MLXIP: variants seen among roughly 807,000 people sequenced by gnomAD.
MLXIP encodes MLX interacting protein.
MLXIP carries 30 observed loss-of-function variants against 87.2 expected under a neutral mutation model. That is an observed-to-expected ratio of 0.34 (90% CI 0.26 to 0.47). The LOEUF (loss-of-function observed/expected upper bound fraction) is 0.47, where lower values mean the gene tolerates loss of function less well. Among genes scored for constraint, MLXIP ranks in the 20% least tolerant of loss-of-function variants. The pLI is 1.00. For missense variants in MLXIP, 1,002 were observed against 1,240.1 expected (o/e 0.81, Z 2.88); for synonymous variants, 530 against 514.0 (o/e 1.03, Z -0.42).
chr12:122,143,597 G>A lies in MLXIP; in HGVS notation c.*1785G>A, dbSNP rs1289038624. ...GTAGGAATTCCACCAAGGCCAGAAGGGAAAAAGGAAGAACCCACCGTGTCT... is the reference window on the plus strand; with the variant it reads ...GTAGGAATTCCACCAAGGCCAGAAGAGAAAAAGGAAGAACCCACCGTGTCT... On this transcript the variant is annotated 3_prime_UTR_variant, in exon 17 of 17. Transcript: ENST00000319080. 1 of 152,290 alleles carries A rather than the reference G, an allele frequency of 6.6e-6. No homozygotes were observed. Among genetic ancestry groups the A allele is most frequent in the African/African-American group, 2.4e-5 (1 of 41,436 alleles). 9.4% of individuals were successfully genotyped at this position (152,290 alleles called of 1,614,324 possible). A position where few individuals can be genotyped will look rare whatever the true frequency, so the allele number is the denominator to read the frequency against.
At chr12:122,093,212 GGT>G (rs1248290982) in intron 1 of MLXIP, among the ~76,000 whole-genome samples, 1 of 148,986 alleles carries the variant, frequency 6.7e-6, no homozygotes, top group Non-Finnish European at 1.5e-5. Flanking sequence ...GGTGTGTGTT[GGT>G]GTGTGGTGTG....
intron 1 of MLXIP, among the ~76,000 whole-genome samples, chr12:122,113,054 G>A (rs1184498069): frequency 4.6e-5 from 7 of 152,166 alleles, no homozygotes; most frequent in Non-Finnish European, 8.8e-5. Flanking sequence ...CAGCACGTCT[G>A]TTAATATAAA....
intron 1 of MLXIP, among the ~76,000 whole-genome samples, chr12:122,093,231 G>A (rs1651953340): frequency 6.8e-6 from 1 of 148,142 alleles, no homozygotes; most frequent in Non-Finnish European, 1.5e-5. Context: ...TGTGTGTAGT[G>A]TATGGTATGT....
chr12:122,124,843 G>T (rs910344254), intron 1 of MLXIP, among the ~76,000 whole-genome samples: 2 of 151,844 alleles, frequency 1.3e-5, no homozygotes, highest in African/African-American at 4.8e-5. Context: ...CCAGCCTGAC[G>T]AACGTGGTAA....
intron 1 of MLXIP, among the ~76,000 whole-genome samples, chr12:122,104,148 A>G (rs928997269): frequency 6.6e-6 from 1 of 152,198 alleles, no homozygotes; most frequent in Admixed American, 6.5e-5. Context: ...AAAAACTTCA[A>G]TCAGCTCTAT....
At chr12:122,114,755 T>TG (rs1555230202) in intron 1 of MLXIP, among the ~76,000 whole-genome samples, 18 of 93,334 alleles carry the variant, frequency 1.9e-4, no homozygotes, top group Non-Finnish European at 3.5e-4. Flanking sequence ...TTTTTTTTTT[T>TG]GGTGGGGGGG....
intron 1 of MLXIP, among the ~76,000 whole-genome samples, chr12:122,088,155 C>G (rs901799564): frequency 6.6e-6 from 1 of 152,150 alleles, no homozygotes; most frequent in Non-Finnish European, 1.5e-5. Flanking sequence ...ACCCAGGTGC[C>G]CTAGGTTTCT....
intron 1 of MLXIP, among the ~76,000 whole-genome samples, chr12:122,099,080 T>G (rs1952397785): frequency 6.6e-6 from 1 of 152,084 alleles, no homozygotes; most frequent in Non-Finnish European, 1.5e-5. Context: ...CAAAAATTAT[T>G]TAAAAAATTA....
chr12:122,086,340 C>T (rs1050050928), intron 1 of MLXIP, among the ~76,000 whole-genome samples: 7 of 152,136 alleles, frequency 4.6e-5, no homozygotes, highest in African/African-American at 9.7e-5. Context: ...GAGCCCACCC[C>T]GGGCTTAAGA....
intron 1 of MLXIP, among the ~76,000 whole-genome samples, chr12:122,123,595 C>T (rs1441621032): frequency 2.0e-5 from 3 of 152,172 alleles, no homozygotes; most frequent in South Asian, 2.1e-4. Context: ...TGCGTCTTGC[C>T]GCTCCCCTCA....
At chr12:122,139,137 T>C (rs1953151241) in intron 15 of MLXIP, 199 bp downstream of exon 15, 1 of 355,212 alleles carries the variant, frequency 2.8e-6, no homozygotes, top group Admixed American at 6.5e-5. Flanking sequence ...CTGATGGGGC[T>C]TCAGGGTGCT....
intron 1 of MLXIP, among the ~76,000 whole-genome samples, chr12:122,088,503 C>T (rs947249841): frequency 2.0e-5 from 3 of 152,036 alleles, no homozygotes; most frequent in African/African-American, 4.8e-5. Flanking sequence ...CTTTAAGTCT[C>T]GGAAGTAAGC....
chr12:122,119,852 CAG>C (rs1378540249), intron 1 of MLXIP, among the ~76,000 whole-genome samples: 8 of 152,290 alleles, frequency 5.3e-5, no homozygotes, highest in African/African-American at 1.9e-4. Context: ...TTGTGGGTCA[CAG>C]GGATGTGCAG....
chr12:122,118,259 A>G (rs1212788846), intron 1 of MLXIP, among the ~76,000 whole-genome samples: 4 of 122,802 alleles, frequency 3.3e-5, no homozygotes, highest in Non-Finnish European at 7.2e-5. Flanking sequence ...TTTAGGATTT[A>G]TAGATTGTTT....
rs1312076878 is a variant in MLXIP, at chr12:122,133,425, C to T, written c.1170C>T (p.Ser390=). 3.7e-6 allele frequency: 6 copies of T among 1,612,554 alleles called. No individual in the cohort carries two copies. The highest frequency in any genetic ancestry group is 5.1e-6 in the Non-Finnish European group (6 of 1,179,058). ...TCATCGCGCCCCCTACCGCCCCATC[C>T]CTGGCTCACATGGATGAGCAGGGCT... is the stretch of plus-strand genomic sequence containing the variant. ...DSLIAPPTAP[S]LAHMDEQGCE... The change falls in exon 9 of 17, where the codon TCC becomes TCT. Residue 390 remains serine (S), a synonymous_variant. Coordinates refer to ENST00000319080, the MANE Select transcript of MLXIP (RefSeq NM_014938.6). This position sits in a 1 kb window ranked among gnomAD's most constrained non-coding sequence, Gnocchi z 4.9.
Position 122,142,094 on chromosome 12 carries a change from A to AGTGCTGGCC in MLXIP, c.*290_*298dup. 1 of 695,726 alleles carries AGTGCTGGCC rather than the reference A, an allele frequency of 1.4e-6. No homozygotes were observed. Among genetic ancestry groups the AGTGCTGGCC allele is most frequent in the South Asian group, 1.5e-5 (1 of 66,362 alleles). The allele number at this position is 695,726 out of a possible 1,614,324, so 43.1% of individuals were successfully genotyped here. ...CTCGGGGCAGCCCACACAAAAGGGA[A>AGTGCTGGCC]GTGCTGGCCGTGCTGGTCCTGCCCT... is the stretch of plus-strand genomic sequence containing the variant. On this transcript the variant is annotated 3_prime_UTR_variant, in exon 17 of 17. Coordinates refer to ENST00000319080, the MANE Select transcript of MLXIP (RefSeq NM_014938.6).
chr12:122,142,328 C>G lies in MLXIP; in HGVS notation c.*516C>G. On this transcript the variant is annotated 3_prime_UTR_variant, in exon 17 of 17. Coordinates refer to ENST00000319080, the MANE Select transcript of MLXIP (RefSeq NM_014938.6). ...TTCTCCCCTCAACTCTGACAGCACC[C>G]AGCCCTTGTGGATGGACTTGGGCTT... is the stretch of plus-strand genomic sequence containing the variant. The G allele has an allele frequency of 1.6e-6, 1 of 632,438 alleles. No homozygotes were observed. Among genetic ancestry groups the G allele is most frequent in the African/African-American group, 1.8e-5 (1 of 55,862 alleles). The allele number at this position is 632,438 out of a possible 1,614,324, so 39.2% of individuals were successfully genotyped here.
At chr12:122,083,767 A>G (rs910692236) in intron 1 of MLXIP, among the ~76,000 whole-genome samples, 2 of 152,228 alleles carry the variant, frequency 1.3e-5, no homozygotes, top group Non-Finnish European at 2.9e-5. Flanking sequence ...AGGAGTAGCA[A>G]GGGCTAAAGG....
At chr12:122,112,434 C>T (rs1027607301) in intron 1 of MLXIP, among the ~76,000 whole-genome samples, 14 of 151,970 alleles carry the variant, frequency 9.2e-5, no homozygotes, top group Admixed American at 7.9e-4. Flanking sequence ...GTCAGGAGGT[C>T]GAGACCATCC....
Sources: gnomAD v4.1 joint callset for allele counts (sites outside exome capture counted in the v4.1 genomes callset) on GRCh38, gnomAD v4.1.1 for gene constraint, Gnocchi (gnomAD v3.1) non-coding constraint, MANE v1.5 for transcripts, NCBI Gene and HGNC (gene_info 2026-07-23, HGNC 2026-07-21) for gene names.